Variants in KIF15 observed in about 807,000 individuals in gnomAD.
The protein encoded by KIF15 is kinesin-like protein KIF15.
A neutral mutation model predicts 190.6 loss-of-function variants in KIF15; 140 were observed. The ratio of observed to expected loss-of-function variants is 0.73; its 90% CI spans 0.64 to 0.84. KIF15 has a LOEUF of 0.84. Among genes scored for constraint, KIF15 ranks in the 40% least tolerant of loss-of-function variants. The probability of loss-of-function intolerance (pLI) is 0.00; values close to 1 mark genes in which losing one functional copy is unlikely to be tolerated. For missense variants in KIF15, 1,372 were observed against 1,584.4 expected, an observed-to-expected ratio of 0.87 and a Z score of 2.28; for synonymous variants, 528 against 551.3, an observed-to-expected ratio of 0.96 and a Z score of 0.59.
At chr3:44,789,678 ATATATATATATAT>A (rs1559535554) in intron 7 of KIF15, among the ~76,000 whole-genome samples, 1 of 53,014 alleles carries the variant, frequency 1.9e-5, no homozygotes, top group Non-Finnish European at 4.4e-5. Context: ...ATATATATAT[ATATATATATATAT>A]AAAATAGATA....
chr3:44,774,511 T>C, intron 2 of KIF15, 74 bp downstream of exon 2: 1 of 1,278,124 alleles, frequency 7.8e-7, no homozygotes, highest in South Asian at 1.3e-5. Context: ...CCATTTAGCA[T>C]AGTAAAGAGT....
intron 1 of KIF15, among the ~76,000 whole-genome samples, chr3:44,766,896 C>T (rs910972285): frequency 4.7e-5 from 7 of 149,684 alleles, no homozygotes; most frequent in East Asian, 3.9e-4. Context: ...CTGCAAGCTC[C>T]GCCTCCTGGG....
chr3:44,798,534 A>G (rs1707106647), intron 10 of KIF15, among the ~76,000 whole-genome samples: 1 of 151,550 alleles, frequency 6.6e-6, no homozygotes, highest in Non-Finnish European at 1.5e-5. Context: ...GATGATCTCG[A>G]TCTCCTGACC....
intron 1 of KIF15, among the ~76,000 whole-genome samples, chr3:44,771,675 AG>A (rs1245571790): frequency 1.3e-5 from 2 of 152,252 alleles, no homozygotes; most frequent in African/African-American, 4.8e-5. Context: ...AATTTTAAAA[AG>A]CAAAAACCTT....
At chr3:44,816,993 G>A (rs1482434110) in intron 20 of KIF15, among the ~76,000 whole-genome samples, 1 of 151,964 alleles carries the variant, frequency 6.6e-6, no homozygotes, top group Admixed American at 6.5e-5. Flanking sequence ...GACCAGTGAT[G>A]ATGAGCATTT....
chr3:44,825,334 C>G (rs960061184), intron 20 of KIF15, among the ~76,000 whole-genome samples: 4 of 152,144 alleles, frequency 2.6e-5, no homozygotes, highest in African/African-American at 9.7e-5. Context: ...TTGATTTATA[C>G]CACTTTATGA....
chr3:44,780,994 GA>G, intron 5 of KIF15, 72 bp downstream of exon 5: 1 of 1,127,572 alleles, frequency 8.9e-7, no homozygotes, highest in South Asian at 1.4e-5. Context: ...ACATTTTGGG[GA>G]AAGGCATAAT....
intron 26 of KIF15, among the ~76,000 whole-genome samples, chr3:44,834,890 G>T (rs925141958): frequency 6.6e-6 from 1 of 151,550 alleles, no homozygotes; most frequent in South Asian, 2.1e-4. Context: ...CCAAGATCGC[G>T]CCACTGCACT....
In KIF15 at chr3:44,775,398, C is replaced by T. The variant is rs562916379; in HGVS notation, c.207C>T (p.Thr69=). ...TGCACTCCAACCCTGAGCCCAAGAC[C>T]TTCACGTTTGATCATGTTGCAGATG... The part of the protein sequence containing the change: ...LRLHSNPEPK[T]FTFDHVADVD... The change falls in exon 3 of 35, where the codon ACC becomes ACT. Residue 69 remains threonine (T), a synonymous_variant. Transcript: ENST00000326047. The T allele has an allele frequency of 3.1e-6, 5 of 1,613,524 alleles. No homozygotes were observed. Among genetic ancestry groups the T allele is most frequent in the Middle Eastern group, 1.7e-4 (1 of 6,060 alleles).
intron 29 of KIF15, among the ~76,000 whole-genome samples, chr3:44,842,877 T>C (rs1698671710): frequency 6.6e-6 from 1 of 152,214 alleles, no homozygotes; most frequent in South Asian, 2.1e-4. Context: ...AAAGGAATTT[T>C]AATTTTTAAT....
chr3:44,813,332 G>A, intron 19 of KIF15, 152 bp downstream of exon 19: 2 of 521,164 alleles, frequency 3.8e-6, no homozygotes, highest in Non-Finnish European at 3.3e-6. Context: ...TGCATGCAGT[G>A]GTAAGTAACA....
In KIF15 at chr3:44,841,206, G is replaced by A; in HGVS notation, c.3553G>A (p.Glu1185Lys). ...HLVTKLNEDR[E>K]VKNAEILRMK... ...TGTAACAAAGCTAAATGAAGACAGA[G>A]AAGTCAAAAATGCTGAAATCCTCAG... is the stretch of plus-strand genomic sequence containing the variant. Residue 1185 changes from glutamate to lysine, a missense_variant, in exon 29 of 35, where the codon GAA becomes AAA. By Grantham distance (56) the Glu-to-Lys change is moderately conservative. Coordinates refer to ENST00000326047, the MANE Select transcript of KIF15 (RefSeq NM_020242.3). The A allele has an allele frequency of 6.2e-7, 1 of 1,607,146 alleles. No individual in the cohort carries two copies. The highest frequency in any genetic ancestry group is 8.5e-7 in the Non-Finnish European group (1 of 1,178,354).
In KIF15 at chr3:44,780,869, A is replaced by G. The variant is rs1706129914; in HGVS notation, c.324-16A>G. On this transcript the variant is annotated splice_polypyrimidine_tract_variant and intron_variant, in intron 4 of 34. Coordinates refer to ENST00000326047, the MANE Select transcript of KIF15 (RefSeq NM_020242.3). ...AATTTTATGTGTAAAAATAATATGT[A>G]AAACATTTTTTACAGTGGACAGACT... 6.4e-7 allele frequency: 1 copy of G among 1,555,590 alleles called. No homozygotes were observed. Among genetic ancestry groups the G allele is most frequent in the Non-Finnish European group, 8.8e-7 (1 of 1,137,432 alleles).
intron 30 of KIF15, among the ~76,000 whole-genome samples, chr3:44,845,054 C>G (rs1291829027): frequency 6.6e-6 from 1 of 152,200 alleles, no homozygotes; most frequent in Admixed American, 6.5e-5. Flanking sequence ...GAAATCATGA[C>G]TGAGTGAGGC....
chr3:44,831,093 T>C lies in KIF15; in HGVS notation c.3171+75T>C. 6 of 1,469,890 alleles carry C rather than the reference T, an allele frequency of 4.1e-6. No homozygotes were observed. The South Asian group carries it at 7.6e-5, about 19-fold the overall frequency. 91.1% of individuals were successfully genotyped at this position (1,469,890 alleles called of 1,614,324 possible). On this transcript the variant is annotated intron_variant, in intron 26 of 34. Coordinates refer to ENST00000326047, the MANE Select transcript of KIF15 (RefSeq NM_020242.3). ...TATGTGTATTTGTGTGTGGAAGTTA[T>C]TAATGAATAAATACAGGATTTTTAA... is the stretch of plus-strand genomic sequence containing the variant.
intron 18 of KIF15, among the ~76,000 whole-genome samples, chr3:44,812,541 T>C (rs954205255): frequency 1.3e-5 from 2 of 152,200 alleles, no homozygotes; most frequent in African/African-American, 4.8e-5. Context: ...ACTTAGTCAA[T>C]AATGCAAATG....
intron 5 of KIF15, among the ~76,000 whole-genome samples, chr3:44,784,374 C>G (rs1304312044): frequency 6.6e-6 from 1 of 152,072 alleles, no homozygotes; most frequent in Non-Finnish European, 1.5e-5. Flanking sequence ...GATGGGATTT[C>G]ATCGTGATCT....
chr3:44,779,126 C>G (rs953450013), intron 4 of KIF15, among the ~76,000 whole-genome samples: 4 of 149,928 alleles, frequency 2.7e-5, no homozygotes, highest in Admixed American at 1.3e-4. Flanking sequence ...CCTTGTTGTT[C>G]TTGTTGTTCC....
chr3:44,843,208 T>C lies in KIF15; in HGVS notation c.3669T>C (p.Asp1223=). Residue 1223 remains aspartate (D), a synonymous_variant, in exon 30 of 35, where the codon GAT becomes GAC. Transcript: ENST00000326047. The part of the protein sequence containing the change: ...EKNWLLQGQL[D]DIKRQKENSD... ...ACTGGCTCCTGCAAGGTCAGCTGGA[T>C]GATATTAAAAGACAAAAGGAAAACA... 2 of 1,613,084 alleles carry C rather than the reference T, an allele frequency of 1.2e-6. No homozygotes were observed. The highest frequency in any genetic ancestry group is 1.7e-6 in the Non-Finnish European group (2 of 1,179,386).
Sources: allele counts gnomAD v4.1 joint callset (sites outside exome capture counted in the v4.1 genomes callset), GRCh38; gene constraint gnomAD v4.1.1; transcripts MANE v1.5; gene names NCBI Gene and HGNC (gene_info 2026-07-23, HGNC 2026-07-21).